The following RGL1 variants were observed in gnomAD, a reference collection of about 807,000 sequenced individuals.
RGL1 encodes the protein ral guanine nucleotide dissociation stimulator like 1.
In RGL1, 24 loss-of-function variants were observed where a neutral mutation model predicts 95.2. That is an observed-to-expected ratio of 0.25 (90% CI 0.18 to 0.35). The LOEUF is 0.35. Among genes scored for constraint, RGL1 ranks in the 10% least tolerant of loss-of-function variants. RGL1 has a pLI of 1.00. For missense variants in RGL1, 715 were observed against 936.3 expected (o/e 0.76, Z 3.08); for synonymous variants, 329 against 344.9 (o/e 0.95, Z 0.51).
At chr1:183,866,236 C>T (rs541281363) in intron 4 of RGL1, among the ~76,000 whole-genome samples, 163 bp downstream of exon 4, 1 of 152,140 alleles carries the variant, frequency 6.6e-6, no homozygotes, top group South Asian at 2.1e-4. Context: ...TTTATGTATC[C>T]AGTGAAAGTA....
chr1:183,734,882 C>G (rs1038440536), intron 1 of RGL1, among the ~76,000 whole-genome samples: 26 of 152,164 alleles, frequency 1.7e-4, no homozygotes, highest in African/African-American at 6.0e-4. Context: ...CTCTCCCTTC[C>G]CCACGTCTGT....
chr1:183,831,555 G>A (rs1309165335), intron 2 of RGL1, among the ~76,000 whole-genome samples: 1 of 152,170 alleles, frequency 6.6e-6, no homozygotes, highest in Admixed American at 6.5e-5. Flanking sequence ...TTAAAAGATT[G>A]TTTATTTTAG....
chr1:183,750,900 T>G (rs192317454), intron 2 of RGL1, among the ~76,000 whole-genome samples: 1 of 152,340 alleles, frequency 6.6e-6, no homozygotes, highest in African/African-American at 2.4e-5. Context: ...GGCTGCAAAA[T>G]AGCAAAAGTT....
chr1:183,744,892 C>T (rs141768498), intron 2 of RGL1, among the ~76,000 whole-genome samples: 1 of 152,242 alleles, frequency 6.6e-6, no homozygotes, highest in East Asian at 1.9e-4. Flanking sequence ...CTAGCATAGA[C>T]ACCTGGAAGT....
intron 1 of RGL1, among the ~76,000 whole-genome samples, chr1:183,700,871 C>A (rs1654554258): frequency 6.6e-6 from 1 of 152,068 alleles, no homozygotes; most frequent in Non-Finnish European, 1.5e-5. Flanking sequence ...GCCCCACATA[C>A]ATTAGATATT....
At chr1:183,703,429 G>A (rs1366758946) in intron 1 of RGL1, among the ~76,000 whole-genome samples, 2 of 152,106 alleles carry the variant, frequency 1.3e-5, no homozygotes, top group Non-Finnish European at 2.9e-5. Flanking sequence ...AGAAACAGGA[G>A]GAGCCCAGTG....
intron 15 of RGL1, among the ~76,000 whole-genome samples, chr1:183,914,371 C>T (rs1164031053): frequency 1.3e-5 from 2 of 152,126 alleles, no homozygotes; most frequent in Non-Finnish European, 2.9e-5. Flanking sequence ...TTGGATGAAC[C>T]TTTCTCAGAG....
At chr1:183,790,835 C>T (rs1416451282) in intron 2 of RGL1, among the ~76,000 whole-genome samples, 2 of 151,960 alleles carry the variant, frequency 1.3e-5, no homozygotes, top group Non-Finnish European at 2.9e-5. Context: ...ATTCTTATTA[C>T]AGAAGTTTGA....
At chr1:183,902,683 G>A in intron 12 of RGL1, 83 bp downstream of exon 12, 1 of 1,393,290 alleles carries the variant, frequency 7.2e-7, no homozygotes, top group South Asian at 1.3e-5. Context: ...TTTTGTAGAG[G>A]CAGAAAAAAA....
chr1:183,785,628 T>A (rs1233383567), intron 2 of RGL1, among the ~76,000 whole-genome samples: 1 of 152,092 alleles, frequency 6.6e-6, no homozygotes, highest in Non-Finnish European at 1.5e-5. Context: ...GCTTGCATGA[T>A]TGTATGAATG....
At chr1:183,689,751 C>T (rs1479308166) in intron 1 of RGL1, among the ~76,000 whole-genome samples, 1 of 152,126 alleles carries the variant, frequency 6.6e-6, no homozygotes, top group Admixed American at 6.6e-5. Flanking sequence ...CTGGCCTCAT[C>T]CTTGTGGGGC....
At chr1:183,881,887 C>T (rs1666844142) in intron 5 of RGL1, among the ~76,000 whole-genome samples, 1 of 152,240 alleles carries the variant, frequency 6.6e-6, no homozygotes, top group Admixed American at 6.5e-5. Flanking sequence ...TCAGGGCCTC[C>T]ATGCCTGGCT....
chr1:183,875,922 C>G (rs983184541), intron 4 of RGL1, among the ~76,000 whole-genome samples: 8 of 151,390 alleles, frequency 5.3e-5, no homozygotes, highest in Non-Finnish European at 1.0e-4. Flanking sequence ...TCATCATGCT[C>G]CTTTCCCCCA....
At chr1:183,853,733 G>T (rs1289632154) in intron 3 of RGL1, among the ~76,000 whole-genome samples, 3 of 152,198 alleles carry the variant, frequency 2.0e-5, no homozygotes, top group African/African-American at 7.2e-5. Context: ...CAATCAGTAA[G>T]TAGCAGAGCT....
chr1:183,658,513 C>T (rs934808770), intron 1 of RGL1, among the ~76,000 whole-genome samples: 2 of 152,096 alleles, frequency 1.3e-5, no homozygotes, highest in African/African-American at 4.8e-5. Context: ...GGGAGGGGTG[C>T]CCGCCATTGC....
intron 1 of RGL1, among the ~76,000 whole-genome samples, chr1:183,739,361 G>T (rs904906045): frequency 4.6e-5 from 7 of 152,244 alleles, no homozygotes; most frequent in African/African-American, 1.7e-4. Flanking sequence ...CCAGCGGCGG[G>T]AGAGTAGGAT....
chr1:183,903,821 A>C (rs1026060849), intron 12 of RGL1, among the ~76,000 whole-genome samples: 1 of 152,256 alleles, frequency 6.6e-6, no homozygotes, highest in African/African-American at 2.4e-5. Context: ...AGCTGGGCTT[A>C]TCAGAACAAG....
intron 11 of RGL1, among the ~76,000 whole-genome samples, chr1:183,901,522 CA>C (rs940689316): frequency 2.0e-5 from 3 of 151,892 alleles, no homozygotes; most frequent in African/African-American, 7.3e-5. Context: ...AACAAACAAA[CA>C]AAAAACCCCA....
At chr1:183,841,731 T>G (rs891526335) in intron 2 of RGL1, among the ~76,000 whole-genome samples, 1 of 152,168 alleles carries the variant, frequency 6.6e-6, no homozygotes, top group African/African-American at 2.4e-5. Flanking sequence ...ATGATGCAAA[T>G]TTTGTTGCAT....
Sources: gnomAD v4.1 joint callset for allele counts (sites outside exome capture counted in the v4.1 genomes callset) on GRCh38, gnomAD v4.1.1 for gene constraint, MANE v1.5 for transcripts, NCBI Gene and HGNC (gene_info 2026-07-23, HGNC 2026-07-21) for gene names.